PDZRN4: variants seen among roughly 807,000 people sequenced by gnomAD.
PDZRN4 encodes PDZ domain containing ring finger 4.
Under a neutral mutation model 99.0 loss-of-function variants are expected in PDZRN4, and 70 were observed. The observed-to-expected ratio is 0.71, with a 90% CI of 0.58 to 0.86. The LOEUF (loss-of-function observed/expected upper bound fraction) is 0.86, where lower values mean the gene tolerates loss of function less well. Ranked by LOEUF, PDZRN4 falls within the 40% of genes least tolerant of loss-of-function variation. The pLI, the probability that PDZRN4 is intolerant of heterozygous loss-of-function variation, is 0.00. For missense variants in PDZRN4, 1,474 were observed against 1,331.2 expected (o/e 1.11, Z -1.67); for synonymous variants, 551 against 501.6 (o/e 1.10, Z -1.32).
chr12:41,572,438 T>C lies in PDZRN4; in HGVS notation c.1659T>C (p.Ser553=). The part of the protein sequence containing the change: ...TSSSNNHEKD[S]GVGRTDESLR... ...CATCCAACAACCATGAGAAGGACAG[T>C]GGAGTAGGACGTACAGATGAAAGCT... The change falls in exon 10 of 10, where the codon AGT becomes AGC. Residue 553 remains serine, a synonymous_variant. Coordinates refer to ENST00000402685, the MANE Select transcript of PDZRN4 (RefSeq NM_001164595.2). 3 of 1,614,004 alleles carry C rather than the reference T, an allele frequency of 1.9e-6. No individual in the cohort carries two copies. Among genetic ancestry groups the C allele is most frequent in the Non-Finnish European group, 2.5e-6 (3 of 1,179,978 alleles).
chr12:41,189,170 G>C, intron 1 of PDZRN4, 67 bp downstream of exon 1: 1 of 1,442,760 alleles, frequency 6.9e-7, no homozygotes, highest in Non-Finnish European at 9.4e-7. Flanking sequence ...GGTTCTTTCT[G>C]ACGCTTCAGG....
chr12:41,238,904 T>A (rs954298414), intron 3 of PDZRN4, among the ~76,000 whole-genome samples: 4 of 152,176 alleles, frequency 2.6e-5, no homozygotes, highest in African/African-American at 9.6e-5. Context: ...GACAGTGTGG[T>A]GATTCCTCAA....
chr12:41,445,725 T>C (rs1952721025), intron 3 of PDZRN4, among the ~76,000 whole-genome samples: 1 of 152,068 alleles, frequency 6.6e-6, no homozygotes, highest in Non-Finnish European at 1.5e-5. Context: ...GCCTCAATCA[T>C]TCAATCTTTT....
At chr12:41,420,372 A>G (rs1445299458) in intron 3 of PDZRN4, among the ~76,000 whole-genome samples, 1 of 152,058 alleles carries the variant, frequency 6.6e-6, no homozygotes, top group Non-Finnish European at 1.5e-5. Flanking sequence ...CTTTGATCCT[A>G]CTGTCTCCTA....
rs1952345945 is a variant in PDZRN4 at position 41,406,015 on chromosome 12, G to A, written c.844-100441G>A. On this transcript the variant is annotated intron_variant, in intron 3 of 9. Coordinates refer to ENST00000402685, the MANE Select transcript of PDZRN4 (RefSeq NM_001164595.2). ...TGTTGAGTACTATGCTCACTACCTGGGTGTAATATACTCATGTAACAGACC... is the reference window on the plus strand; with the variant it reads ...TGTTGAGTACTATGCTCACTACCTGAGTGTAATATACTCATGTAACAGACC... Among the ~76,000 whole-genome samples, 3 of 151,692 alleles carry A rather than the reference G, an allele frequency of 2.0e-5. No homozygotes were observed. The South Asian group carries it at 6.2e-4, about 32-fold the overall frequency.
intron 3 of PDZRN4, among the ~76,000 whole-genome samples, chr12:41,213,691 C>A (rs1950902116): frequency 1.3e-5 from 2 of 152,024 alleles, no homozygotes; most frequent in African/African-American, 4.8e-5. Context: ...AAGTGATGTC[C>A]TGATGACAAT....
Position 41,212,884 on chromosome 12 carries a change from C to T in PDZRN4, c.843+18696C>T, listed in dbSNP as rs183830033. On this transcript the variant is annotated intron_variant, in intron 3 of 9. Coordinates refer to ENST00000402685, the MANE Select transcript of PDZRN4 (RefSeq NM_001164595.2). Reference sequence around the variant, plus strand: ...AGAGACAGATGAGTATGTGCGGAAGCTCTGTGATAGGAAAAGGCTTAGTGT... The same window carrying T: ...AGAGACAGATGAGTATGTGCGGAAGTTCTGTGATAGGAAAAGGCTTAGTGT... Among the ~76,000 whole-genome samples, 4 of 152,002 alleles carry T rather than the reference C, an allele frequency of 2.6e-5. No homozygotes were observed. The East Asian group carries it at 7.8e-4, about 30-fold the overall frequency.
At chr12:41,448,350 C>G (rs924152450) in intron 3 of PDZRN4, among the ~76,000 whole-genome samples, 2 of 152,156 alleles carry the variant, frequency 1.3e-5, no homozygotes, top group Non-Finnish European at 2.9e-5. Flanking sequence ...CTTCCTCACC[C>G]CTATTCTGGT....
chr12:41,244,841 C>T (rs939861734), intron 3 of PDZRN4, among the ~76,000 whole-genome samples: 12 of 133,146 alleles, frequency 9.0e-5, no homozygotes, highest in South Asian at 5.2e-4. Flanking sequence ...CCCGCCACCG[C>T]GCCCGGCTAA....
chr12:41,359,564 T>C (rs1592027142), intron 3 of PDZRN4, among the ~76,000 whole-genome samples: 3 of 151,958 alleles, frequency 2.0e-5, no homozygotes, highest in Non-Finnish European at 2.9e-5. Flanking sequence ...GGCGGGGGGT[T>C]CTTTCCCATT....
At chr12:41,320,619 ACCTCAGGCTGT>A (rs1951670400) in intron 3 of PDZRN4, among the ~76,000 whole-genome samples, 1 of 152,142 alleles carries the variant, frequency 6.6e-6, no homozygotes, top group Admixed American at 6.5e-5. Context: ...TTTCCAGTTG[ACCTCAGGCTGT>A]CCTGCAATCA....
chr12:41,550,111 A>ACTCAATTTTATTGC (rs1359053577), intron 5 of PDZRN4, among the ~76,000 whole-genome samples: 1 of 152,146 alleles, frequency 6.6e-6, no homozygotes, highest in African/African-American at 2.4e-5. Flanking sequence ...TAATACATTC[A>ACTCAATTTTATTGC]CTCAATTTTA....
Position 41,517,279 on chromosome 12 carries a change from T to C in PDZRN4, c.1203+7366T>C, listed in dbSNP as rs73278090. On this transcript the variant is annotated intron_variant, in intron 5 of 9. Coordinates refer to ENST00000402685, the MANE Select transcript of PDZRN4 (RefSeq NM_001164595.2). Reference sequence around the variant, plus strand: ...CAGGGATCTAGATATAAAATAAAGATTCCTTATACTACATATATGACTTTT... The same window carrying C: ...CAGGGATCTAGATATAAAATAAAGACTCCTTATACTACATATATGACTTTT... Among the ~76,000 whole-genome samples, 1,221 of 152,212 alleles carry C rather than the reference T, an allele frequency of 8.0e-3. 17 individuals carry two copies. The highest frequency in any genetic ancestry group is 0.028 in the African/African-American group (1,175 of 41,552).
At chr12:41,509,742 T>C in intron 4 of PDZRN4, 69 bp from the exon 5 acceptor site, 4 of 731,568 alleles carry the variant, frequency 5.5e-6, no homozygotes, top group Non-Finnish European at 9.3e-6. Flanking sequence ...AGTGAAATTC[T>C]AAAATCAGTT....
chr12:41,308,278 C>A (rs11180752), intron 3 of PDZRN4, among the ~76,000 whole-genome samples: 4,359 of 152,222 alleles, frequency 0.029, 107 homozygotes, highest in East Asian at 0.14. Context: ...TTGTCTGTCA[C>A]TAGGTACAAG....
At chr12:41,568,282 G>T (rs1258075777) in intron 9 of PDZRN4, among the ~76,000 whole-genome samples, 2 of 152,098 alleles carry the variant, frequency 1.3e-5, no homozygotes, top group Non-Finnish European at 1.5e-5. Flanking sequence ...AAATATTAAT[G>T]TATCTATTTG....
At chr12:41,453,080 C>G (rs571444943) in intron 3 of PDZRN4, among the ~76,000 whole-genome samples, 1 of 152,140 alleles carries the variant, frequency 6.6e-6, no homozygotes, top group Non-Finnish European at 1.5e-5. Context: ...TTGTCCGGAG[C>G]CAGGCAAAAG....
intron 3 of PDZRN4, among the ~76,000 whole-genome samples, chr12:41,214,573 G>A (rs1950909227): frequency 1.3e-5 from 2 of 151,766 alleles, no homozygotes; most frequent in African/African-American, 2.4e-5. Flanking sequence ...AGGGTTATAT[G>A]TTAAAAAGAA....
chr12:41,197,960 G>A (rs2897227), intron 3 of PDZRN4, among the ~76,000 whole-genome samples: 88,022 of 135,282 alleles, frequency 0.65, 28,865 homozygotes, highest in Middle Eastern at 0.72. Flanking sequence ...TGTCACCTAG[G>A]CTGGAATGCA....
Sources: allele counts gnomAD v4.1 joint callset (sites outside exome capture counted in the v4.1 genomes callset), GRCh38; gene constraint gnomAD v4.1.1; transcripts MANE v1.5; gene names NCBI Gene and HGNC (gene_info 2026-07-23, HGNC 2026-07-21).